STXBP5: variants seen among roughly 807,000 people sequenced by gnomAD.
STXBP5 encodes syntaxin-binding protein 5.
STXBP5 carries 50 observed loss-of-function variants against 152.4 expected under a neutral mutation model. The ratio of observed to expected loss-of-function variants is 0.33; its 90% CI spans 0.26 to 0.42. The LOEUF (loss-of-function observed/expected upper bound fraction) is 0.42. Ranked by LOEUF, STXBP5 falls within the 10% of genes least tolerant of loss-of-function variation. STXBP5 has a pLI of 1.00. For synonymous variants in STXBP5, 492 were observed against 494.7 expected, an observed-to-expected ratio of 0.99 and a Z score of 0.07; for missense variants, 1,167 against 1,388.6, an observed-to-expected ratio of 0.84 and a Z score of 2.54.
At chr6:147,375,694 T>C (rs1442508198) in intron 26 of STXBP5, among the ~76,000 whole-genome samples, 2 of 151,436 alleles carry the variant, frequency 1.3e-5, no homozygotes, top group African/African-American at 4.8e-5. Context: ...TCCACAAATT[T>C]GAGAAGCCTA....
At chr6:147,342,665 TTTTA>T (rs1224344527) in intron 21 of STXBP5, among the ~76,000 whole-genome samples, 1 of 152,154 alleles carries the variant, frequency 6.6e-6, no homozygotes, top group African/African-American at 2.4e-5. Context: ...GTTATCAATT[TTTTA>T]TTTACTTGTT....
intron 4 of STXBP5, among the ~76,000 whole-genome samples, chr6:147,258,102 A>G (rs1050063198): frequency 2.6e-5 from 4 of 152,198 alleles, no homozygotes; most frequent in Non-Finnish European, 5.9e-5. Context: ...CCTTGCAAGT[A>G]CTTTTCAAAC....
At chr6:147,257,868 G>T (rs890687773) in intron 4 of STXBP5, among the ~76,000 whole-genome samples, 2 of 152,198 alleles carry the variant, frequency 1.3e-5, no homozygotes, top group Non-Finnish European at 2.9e-5. Context: ...CTGTTGGGTC[G>T]GCAACCTGGG....
chr6:147,277,269 T>C (rs1780488209), intron 7 of STXBP5, among the ~76,000 whole-genome samples: 1 of 152,112 alleles, frequency 6.6e-6, no homozygotes, highest in South Asian at 2.1e-4. Context: ...GTTTTGAGTT[T>C]CAGTTATACG....
At chr6:147,342,857 C>T (rs890034159) in intron 21 of STXBP5, among the ~76,000 whole-genome samples, 7 of 152,054 alleles carry the variant, frequency 4.6e-5, no homozygotes, top group African/African-American at 1.7e-4. Flanking sequence ...TTTGAAACTA[C>T]ATGATTAACC....
At chr6:147,231,385 A>G (rs377407081) in intron 2 of STXBP5, among the ~76,000 whole-genome samples, 4 of 151,958 alleles carry the variant, frequency 2.6e-5, no homozygotes, top group East Asian at 1.9e-4. Context: ...CTGTGCAGAA[A>G]TTATCTGACA....
At chr6:147,208,444 A>T (rs1776681219) in intron 2 of STXBP5, among the ~76,000 whole-genome samples, 1 of 152,136 alleles carries the variant, frequency 6.6e-6, no homozygotes, top group South Asian at 2.1e-4. Flanking sequence ...GAAACTGGAC[A>T]CCTAAATTCC....
chr6:147,278,660 T>A (rs1780557978), intron 8 of STXBP5, among the ~76,000 whole-genome samples: 1 of 152,144 alleles, frequency 6.6e-6, no homozygotes, highest in Non-Finnish European at 1.5e-5. Flanking sequence ...ACCCTAGATT[T>A]AATGATTCAC....
chr6:147,298,961 AAAT>A (rs1781669958), intron 9 of STXBP5, among the ~76,000 whole-genome samples: 1 of 152,062 alleles, frequency 6.6e-6, no homozygotes, highest in Admixed American at 6.6e-5. Context: ...AGGAAGAAAG[AAAT>A]AATAATTATC....
At position 147,334,159 on chromosome 6, in the gene STXBP5, G is replaced by A. The variant is rs752810785; in HGVS notation, c.2083G>A (p.Gly695Ser). The change falls in exon 19 of 28, where the codon GGT becomes AGT. Residue 695 changes from glycine (G) to serine (S), a missense_variant and splice_region_variant. Around this residue, in one of 3 missense-constraint regions of STXBP5, gnomAD observed 833 missense variants for 986.3 expected, o/e 0.84. Transcript: ENST00000321680. ...PRKSRQPSGA[G>S]LCDISEGTVV... ...TGTTTTTTGTTTTTGTTTTGTAGCCGGTCTGTGTGATATTAGTGAAGGGAC... is the reference window on the plus strand; with the variant it reads ...TGTTTTTTGTTTTTGTTTTGTAGCCAGTCTGTGTGATATTAGTGAAGGGAC... 1.1e-5 allele frequency: 17 copies of A among 1,611,580 alleles called. No individual in the cohort carries two copies. The highest frequency in any genetic ancestry group is 4.0e-5 in the African/African-American group (3 of 74,782).
In STXBP5 at chr6:147,293,809, A is replaced by T. The variant is rs147735748; in HGVS notation, c.917+2637A>T. Among the ~76,000 whole-genome samples, 6 of 152,312 alleles carry T rather than the reference A, an allele frequency of 3.9e-5. No homozygotes were observed. In the South Asian group the frequency reaches 1.0e-3, roughly 26 times the overall value. On this transcript the variant is annotated intron_variant, in intron 9 of 27. Transcript: ENST00000321680. Reference sequence around the variant, plus strand: ...CTACAACCCATACATATCGTTAGTAATGAAATTGTTTATTGAATATATGTC... The same window carrying T: ...CTACAACCCATACATATCGTTAGTATTGAAATTGTTTATTGAATATATGTC...
intron 25 of STXBP5, among the ~76,000 whole-genome samples, chr6:147,370,757 G>A (rs773046552): frequency 6.6e-6 from 1 of 152,026 alleles, no homozygotes; most frequent in East Asian, 1.9e-4. Context: ...ACTGATGACA[G>A]TTGAACTGTT....
chr6:147,224,683 T>C (rs1777623146), intron 2 of STXBP5, among the ~76,000 whole-genome samples: 2 of 152,252 alleles, frequency 1.3e-5, no homozygotes, highest in Non-Finnish European at 2.9e-5. Flanking sequence ...CATGTACTGC[T>C]GCTTTTATTT....
intron 14 of STXBP5, among the ~76,000 whole-genome samples, chr6:147,315,123 A>G (rs1448433051): frequency 1.3e-5 from 2 of 152,172 alleles, no homozygotes; most frequent in Non-Finnish European, 2.9e-5. Context: ...GTGTTTCCTC[A>G]TGTAGGAATG....
intron 5 of STXBP5, among the ~76,000 whole-genome samples, chr6:147,261,679 A>G (rs570717528): frequency 1.3e-5 from 2 of 152,086 alleles, no homozygotes; most frequent in African/African-American, 4.8e-5. Context: ...TGAATTGATC[A>G]TGACATCTAC....
Position 147,278,106 on chromosome 6 carries a change from A to G in STXBP5, c.740A>G (p.His247Arg), listed in dbSNP as rs541715910. Residue 247 changes from histidine to arginine, a missense_variant, in exon 8 of 28, where the codon CAT (histidine) becomes CGT (arginine). Transcript: ENST00000321680. ...GCTATCCACTCTGTTGCTTGGCATC[A>G]TGAAGGAAAACAATTTATTTGCAGT... ...DEAIHSVAWH[H>R]EGKQFICSHS... The G allele has an allele frequency of 3.7e-6, 6 of 1,612,960 alleles. No individual in the cohort carries two copies. In the East Asian group the frequency reaches 6.7e-5, roughly 18 times the overall value.
Position 147,314,246 on chromosome 6 carries a change from A to G in STXBP5, c.1294-18A>G, listed in dbSNP as rs760433721. 4 of 1,599,564 alleles carry G rather than the reference A, an allele frequency of 2.5e-6. No individual in the cohort carries two copies. In the Admixed American group the frequency reaches 6.7e-5, roughly 27 times the overall value. On this transcript the variant is annotated intron_variant, in intron 12 of 27. Coordinates refer to ENST00000321680, the MANE Select transcript of STXBP5 (RefSeq NM_001127715.4). ...AGTATGCTTGCAAGTTGCTTTATAC[A>G]GTCATCTTTTTTTATAGGAATGGCC...
At chr6:147,261,205 CA>C (rs530244336) in intron 5 of STXBP5, among the ~76,000 whole-genome samples, 32 of 152,032 alleles carry the variant, frequency 2.1e-4, no homozygotes, top group African/African-American at 7.5e-4. Context: ...AATATATTAT[CA>C]AATTAATTTT....
intron 7 of STXBP5, among the ~76,000 whole-genome samples, chr6:147,268,778 G>T (rs992133395): frequency 3.3e-5 from 5 of 152,168 alleles, no homozygotes; most frequent in African/African-American, 9.7e-5. Flanking sequence ...TTTAAACAAA[G>T]AAACTGGACA....
Sources: allele counts gnomAD v4.1 joint callset (sites outside exome capture counted in the v4.1 genomes callset), GRCh38; gene constraint gnomAD v4.1.1; regional missense constraint gnomAD v4.1.1; transcripts MANE v1.5; gene names NCBI Gene and HGNC (gene_info 2026-07-23, HGNC 2026-07-21).